ACOX3: variants seen among roughly 807,000 people sequenced by gnomAD.
The protein encoded by ACOX3 is peroxisomal acyl-coenzyme A oxidase 3.
ACOX3 carries 73 observed loss-of-function variants against 81.5 expected under a neutral mutation model. The observed-to-expected ratio is 0.90, with a 90% CI of 0.74 to 1.09. The LOEUF (loss-of-function observed/expected upper bound fraction) is 1.09. Ranked by LOEUF, ACOX3 falls within the 50% of genes least tolerant of loss-of-function variation. The pLI is 0.00. For synonymous variants in ACOX3, 387 were observed against 375.1 expected (o/e 1.03, Z -0.37); for missense variants, 947 against 928.0 (o/e 1.02, Z -0.27).
At chr4:8,440,226 A>G (rs1477913877) in intron 1 of ACOX3, among the ~76,000 whole-genome samples, 2 of 152,250 alleles carry the variant, frequency 1.3e-5, no homozygotes, top group Non-Finnish European at 2.9e-5. Flanking sequence ...TGGGGAGCTC[A>G]GCTCTTAAGA....
rs910150833 is a variant in ACOX3 at position 8,431,832 on chromosome 4, T to C, written c.-15+8816A>G. On this transcript the variant is annotated intron_variant, in intron 1 of 17. Transcript: ENST00000356406. The surrounding 1 kb of genome is among the most constrained non-coding windows in gnomAD (Gnocchi z 5.3). Reference sequence around the variant, plus strand: ...CCGATTCCCTGCTCAGTTTTAGACCTTGGTGCTATTGACTGTCATTGGCCA... The same window carrying C: ...CCGATTCCCTGCTCAGTTTTAGACCCTGGTGCTATTGACTGTCATTGGCCA... Among the ~76,000 whole-genome samples the C allele has an allele frequency of 6.6e-6, 1 of 152,250 alleles. No homozygotes were observed. Among genetic ancestry groups the C allele is most frequent in the African/African-American group, 2.4e-5 (1 of 41,468 alleles).
rs1718699822 is a variant in ACOX3, at chr4:8,389,428, G to A, written c.1424-142C>T. 7.9e-7 allele frequency: 1 copy of A among 1,266,288 alleles called. No individual in the cohort carries two copies. The highest frequency in any genetic ancestry group is 1.1e-6 in the Non-Finnish European group (1 of 915,726). 78.4% of individuals were successfully genotyped at this position (1,266,288 alleles called of 1,614,324 possible). A position where few individuals can be genotyped will look rare whatever the true frequency, so the allele number is the denominator to read the frequency against. ...CCACAGGCGAGGGTCTGGGTCTCAAGGACCCTCCCCACCCCAGCCTTTGCC... is the reference window on the plus strand; with the variant it reads ...CCACAGGCGAGGGTCTGGGTCTCAAAGACCCTCCCCACCCCAGCCTTTGCC... On this transcript the variant is annotated intron_variant, in intron 12 of 17. Transcript: ENST00000356406. This position sits in a 1 kb window ranked among gnomAD's most constrained non-coding sequence, Gnocchi z 5.3.
At chr4:8,433,817 C>G (rs1224276355) in intron 1 of ACOX3, among the ~76,000 whole-genome samples, 2 of 152,162 alleles carry the variant, frequency 1.3e-5, no homozygotes, top group African/African-American at 4.8e-5. Flanking sequence ...ACTAGAGATT[C>G]TGCAGACCAG....
chr4:8,405,871 G>T lies in ACOX3; in HGVS notation c.776+84C>A. On this transcript the variant is annotated intron_variant, in intron 7 of 17. Transcript: ENST00000356406. The surrounding 1 kb of genome is among the most constrained non-coding windows in gnomAD (Gnocchi z 7.1). The stretch of plus-strand genomic sequence containing the variant: ...AAGAGGGCAGGGCATGGCATCCATG[G>T]GGCCAGTGAGATCTCAGACATGAGC... The T allele has an allele frequency of 7.4e-7, 1 of 1,351,816 alleles. No individual in the cohort carries two copies. The allele number at this position is 1,351,816 out of a possible 1,614,324, so 83.7% of individuals were successfully genotyped here.
chr4:8,375,242 G>C (rs928141296), intron 14 of ACOX3, 90 bp from the exon 15 acceptor site: 2 of 1,292,712 alleles, frequency 1.5e-6, no homozygotes, highest in Admixed American at 2.6e-5. Context: ...ACACGAACGC[G>C]GGTCTGCGTT....
intron 14 of ACOX3, among the ~76,000 whole-genome samples, chr4:8,379,322 G>A (rs745309708): frequency 8.5e-5 from 13 of 152,312 alleles, no homozygotes; most frequent in Non-Finnish European, 1.8e-4. Flanking sequence ...AGGGCTCTCA[G>A]CTATCACAAA....
At chr4:8,420,964 C>T (rs778500733) in intron 1 of ACOX3, among the ~76,000 whole-genome samples, 25 of 152,298 alleles carry the variant, frequency 1.6e-4, no homozygotes, top group Middle Eastern at 6.8e-3. Flanking sequence ...CCATGACCCA[C>T]GGCTTCTAAT....
At chr4:8,357,557 A>G in the ACOX3 span, 85 of 304,916 alleles carry the variant, frequency 2.8e-4, no homozygotes, top group Non-Finnish European at 4.2e-4. Flanking sequence ...GCAGCAAGCA[A>G]TGACATTAAA....
chr4:8,403,321 G>A (rs1251635938), intron 7 of ACOX3, among the ~76,000 whole-genome samples: 1 of 152,212 alleles, frequency 6.6e-6, no homozygotes, highest in African/African-American at 2.4e-5. Context: ...GGGAAACCCG[G>A]AGGGAACACT....
At chr4:8,390,104 ACAAC>A (rs1553842148) in intron 11 of ACOX3, among the ~76,000 whole-genome samples, 23 of 147,588 alleles carry the variant, frequency 1.6e-4, no homozygotes, top group African/African-American at 3.4e-4. Context: ...CCCTGTCTCA[ACAAC>A]AACAACAACA....
chr4:8,379,035 G>A (rs1232023203), intron 14 of ACOX3, among the ~76,000 whole-genome samples: 1 of 152,184 alleles, frequency 6.6e-6, no homozygotes, highest in Non-Finnish European at 1.5e-5. Flanking sequence ...GCATCTATCT[G>A]AAGGAATTCC....
chr4:8,429,793 C>T (rs879871167), intron 1 of ACOX3, among the ~76,000 whole-genome samples: 1 of 152,174 alleles, frequency 6.6e-6, no homozygotes, highest in Admixed American at 6.5e-5. Context: ...AAGAGCCAGG[C>T]GTTGTGCGCC....
At position 8,375,128 on chromosome 4, in the gene ACOX3, G is replaced by T. The variant is rs376909908; in HGVS notation, c.1678C>A (p.Leu560Met). ...CQVSHGRPLA[L>M]AFVELTVVQR... ...ACCACCGTGAGCTCCACGAAGGCCA[G>T]CGCCAACGGACGGCCGTGGGACACC... The change falls in exon 15 of 18, where the codon CTG becomes ATG. Residue 560 changes from leucine (L) to methionine (M), a missense_variant. Transcript: ENST00000356406. 6.4e-6 allele frequency: 10 copies of T among 1,551,526 alleles called. No homozygotes were observed. In the African/African-American group the frequency reaches 1.1e-4, roughly 17 times the overall value.
Position 8,410,283 on chromosome 4 carries a change from G to C in ACOX3, c.616C>G (p.His206Asp). The change falls in exon 6 of 18, where the codon CAC becomes GAC. Residue 206 changes from histidine (H) to aspartate (D), a missense_variant. Physicochemically the swap from His to Asp is moderately conservative, Grantham distance 81 (BLOSUM62 -1). Transcript: ENST00000356406. ...WVGNMGKTAT[H>D]AVVFAKLCVP... ...CACAGCTTAGCAAACACCACCGCGT[G>C]AGTGGCTGTCTTGCCCATGTTGCCA... The C allele has an allele frequency of 6.2e-7, 1 of 1,614,170 alleles. No individual in the cohort carries two copies.
chr4:8,392,491 A>G (rs762679905), intron 10 of ACOX3, 38 bp from the exon 11 acceptor site: 36 of 1,490,780 alleles, frequency 2.4e-5, no homozygotes, highest in Non-Finnish European at 3.1e-5. Context: ...AGGTGAAAAG[A>G]GACTTTAGAC....
At chr4:8,383,194 C>A (rs973916823) in intron 13 of ACOX3, among the ~76,000 whole-genome samples, 1 of 152,170 alleles carries the variant, frequency 6.6e-6, no homozygotes, top group Non-Finnish European at 1.5e-5. Flanking sequence ...GATGGAAAGA[C>A]GGGTGCTGCT....
At chr4:8,427,915 G>T (rs1232810920) in intron 1 of ACOX3, among the ~76,000 whole-genome samples, 1 of 152,190 alleles carries the variant, frequency 6.6e-6, no homozygotes, top group East Asian at 1.9e-4. Context: ...AGTGCCCAGG[G>T]TCTACTGTCT....
At chr4:8,392,776 C>T (rs1719151992) in intron 10 of ACOX3, among the ~76,000 whole-genome samples, 1 of 152,192 alleles carries the variant, frequency 6.6e-6, no homozygotes, top group Non-Finnish European at 1.5e-5. Flanking sequence ...ATAAAGTTCA[C>T]AAACGTCAAA....
In ACOX3 at chr4:8,385,931, C is replaced by T. The variant is rs1363997174; in HGVS notation, c.1537+3242G>A. ...GATAATGGCGGTCTCTCTCCCATACCACTTTGAACAAGTGAAAGCCATTTG... is the reference window on the plus strand; with the variant it reads ...GATAATGGCGGTCTCTCTCCCATACTACTTTGAACAAGTGAAAGCCATTTG... On this transcript the variant is annotated intron_variant, in intron 13 of 17. Coordinates refer to ENST00000356406, the MANE Select transcript of ACOX3 (RefSeq NM_003501.3). This position sits in a 1 kb window ranked among gnomAD's most constrained non-coding sequence, Gnocchi z 5.5. Among the ~76,000 whole-genome samples the T allele has an allele frequency of 2.0e-5, 3 of 152,374 alleles. No individual in the cohort carries two copies. In the East Asian group the frequency reaches 5.8e-4, roughly 29 times the overall value.
Sources: allele counts gnomAD v4.1 joint callset (sites outside exome capture counted in the v4.1 genomes callset), GRCh38; gene constraint gnomAD v4.1.1; non-coding constraint Gnocchi (gnomAD v3.1); transcripts MANE v1.5; gene names NCBI Gene and HGNC (gene_info 2026-07-23, HGNC 2026-07-21).